Variants in DPYD observed in about 807,000 individuals in gnomAD.
DPYD encodes dihydropyrimidine dehydrogenase [NADP(+)].
A neutral mutation model predicts 116.2 loss-of-function variants in DPYD; 109 were observed. The ratio of observed to expected loss-of-function variants is 0.94; its 90% CI spans 0.80 to 1.10. DPYD has a LOEUF of 1.10. Among genes scored for constraint, DPYD ranks in the 50% least tolerant of loss-of-function variants. The pLI, the probability that DPYD is intolerant of heterozygous loss-of-function variation, is 0.00. For missense variants in DPYD, 1,302 were observed against 1,254.5 expected (o/e 1.04, Z -0.57); for synonymous variants, 440 against 432.0 (o/e 1.02, Z -0.23).
At chr1:97,418,919 G>A (rs1674430478) in intron 14 of DPYD, among the ~76,000 whole-genome samples, 1 of 152,100 alleles carries the variant, frequency 6.6e-6, no homozygotes, top group South Asian at 2.1e-4. Flanking sequence ...GGAAAAATAA[G>A]TATACTGAAA....
chr1:97,637,343 T>C (rs768048506), intron 8 of DPYD, among the ~76,000 whole-genome samples: 4 of 152,156 alleles, frequency 2.6e-5, no homozygotes, highest in Non-Finnish European at 5.9e-5. Flanking sequence ...GTTGGGTATA[T>C]TAGGCTTTAA....
intron 3 of DPYD, among the ~76,000 whole-genome samples, chr1:97,776,667 CAGAGA>C (rs1197478362): frequency 1.3e-5 from 2 of 152,156 alleles, no homozygotes; most frequent in African/African-American, 4.8e-5. Flanking sequence ...CTAAAAAAGA[CAGAGA>C]AACTGATACT....
chr1:97,398,202 A>T (rs7547044), intron 14 of DPYD, among the ~76,000 whole-genome samples: 150,375 of 152,250 alleles, frequency 0.99, 74,306 homozygotes, highest in Middle Eastern at 1. Context: ...CGGTGTTTGG[A>T]TTTCTGTCCT....
intron 19 of DPYD, among the ~76,000 whole-genome samples, chr1:97,207,727 G>A (rs1659739030): frequency 6.6e-6 from 1 of 152,060 alleles, no homozygotes; most frequent in Non-Finnish European, 1.5e-5. Context: ...ATAAAACAGA[G>A]CCCAGAGACG....
chr1:97,864,079 G>C (rs1558016667), intron 2 of DPYD, among the ~76,000 whole-genome samples: 1 of 151,988 alleles, frequency 6.6e-6, no homozygotes, highest in African/African-American at 2.4e-5. Flanking sequence ...ATATAAGTAA[G>C]TTTTAAAACT....
intron 18 of DPYD, among the ~76,000 whole-genome samples, chr1:97,235,654 A>G (rs1372875919): frequency 6.6e-6 from 1 of 152,092 alleles, no homozygotes; most frequent in Admixed American, 6.6e-5. Flanking sequence ...AAAACAAGGA[A>G]CAGCAGATTT....
intron 12 of DPYD, among the ~76,000 whole-genome samples, chr1:97,532,083 CTTGTTATCTGATA>C (rs1649667143): frequency 6.6e-6 from 1 of 151,836 alleles, no homozygotes; most frequent in Non-Finnish European, 1.5e-5. Context: ...AATTTTTCTT[CTTGTTATCTGATA>C]TGGATGCCTT....
intron 3 of DPYD, among the ~76,000 whole-genome samples, chr1:97,780,301 G>A (rs567080690): frequency 2.0e-5 from 3 of 152,238 alleles, no homozygotes; most frequent in African/African-American, 7.2e-5. Context: ...TTAAGACTTC[G>A]ACATTGTTGT....
intron 8 of DPYD, among the ~76,000 whole-genome samples, chr1:97,605,861 C>T (rs1023673222): frequency 6.6e-6 from 1 of 151,856 alleles, no homozygotes; most frequent in Admixed American, 6.6e-5. Flanking sequence ...ATATGCATAC[C>T]TTTCTTGATA....
At chr1:97,243,201 G>T (rs78357087) in intron 18 of DPYD, among the ~76,000 whole-genome samples, 1 of 151,700 alleles carries the variant, frequency 6.6e-6, no homozygotes, top group Non-Finnish European at 1.5e-5. Flanking sequence ...ACTTATTCTT[G>T]GTAGTTTAAG....
chr1:97,532,075 T>C (rs1649666193), intron 12 of DPYD, among the ~76,000 whole-genome samples: 1 of 152,040 alleles, frequency 6.6e-6, no homozygotes, highest in African/African-American at 2.4e-5. Flanking sequence ...AAATAGTTAA[T>C]TTTTCTTCTT....
intron 11 of DPYD, among the ~76,000 whole-genome samples, chr1:97,558,406 C>T (rs1245424004): frequency 6.6e-6 from 1 of 151,988 alleles, no homozygotes; most frequent in East Asian, 1.9e-4. Flanking sequence ...ATTATTCTGT[C>T]TTAGTTATTT....
chr1:97,431,637 G>A (rs945919681), intron 14 of DPYD, among the ~76,000 whole-genome samples: 52 of 152,188 alleles, frequency 3.4e-4, no homozygotes, highest in Middle Eastern at 3.4e-3. Flanking sequence ...AGCATACAAT[G>A]TGTAATGATC....
chr1:97,783,054 G>GTTAC (rs1419250719), intron 3 of DPYD, among the ~76,000 whole-genome samples: 2 of 152,206 alleles, frequency 1.3e-5, no homozygotes, highest in African/African-American at 4.8e-5. Context: ...TAATCCCTGT[G>GTTAC]TTACTCATCT....
chr1:97,808,421 C>T (rs913458475), intron 3 of DPYD, among the ~76,000 whole-genome samples: 2 of 152,050 alleles, frequency 1.3e-5, no homozygotes, highest in African/African-American at 4.8e-5. Context: ...GCATTGCTGA[C>T]ATATATGAAA....
chr1:97,264,148 A>C (rs1664064378), intron 18 of DPYD, among the ~76,000 whole-genome samples: 1 of 142,408 alleles, frequency 7.0e-6, no homozygotes, highest in Non-Finnish European at 1.5e-5. Flanking sequence ...TCTGAATCTT[A>C]ATAGCAAAAT....
intron 5 of DPYD, chr1:97,720,191 C>A: frequency 1.0e-6 from 1 of 981,160 alleles, no homozygotes; most frequent in Non-Finnish European, 1.2e-6. Context: ...CACACACAAA[C>A]ACACACACCT....
At chr1:97,410,386 T>C (rs1473107023) in intron 14 of DPYD, among the ~76,000 whole-genome samples, 2 of 152,178 alleles carry the variant, frequency 1.3e-5, no homozygotes, top group Non-Finnish European at 2.9e-5. Context: ...CATACTTATT[T>C]CATAGGACTG....
chr1:97,763,038 C>A (rs1237649426), intron 3 of DPYD, among the ~76,000 whole-genome samples: 1 of 151,996 alleles, frequency 6.6e-6, no homozygotes, highest in Admixed American at 6.6e-5. Flanking sequence ...TAGTAAATGT[C>A]CAATAAATAT....
Sources: allele counts gnomAD v4.1 joint callset (sites outside exome capture counted in the v4.1 genomes callset), GRCh38; gene constraint gnomAD v4.1.1; transcripts MANE v1.5; gene names NCBI Gene and HGNC (gene_info 2026-07-23, HGNC 2026-07-21).